Variants in TYW1 observed in about 807,000 individuals in gnomAD.
The protein encoded by TYW1 is tRNA-yW synthesizing protein 1 homolog.
A neutral mutation model predicts 96.2 loss-of-function variants in TYW1; 46 were observed. That is an observed-to-expected ratio of 0.48 (90% CI 0.38 to 0.61). TYW1 has a LOEUF of 0.61. Ranked by LOEUF, TYW1 falls within the 20% of genes least tolerant of loss-of-function variation. The probability of loss-of-function intolerance (pLI) is 0.00; values close to 1 mark genes in which losing one functional copy is unlikely to be tolerated. For synonymous variants in TYW1, 274 were observed against 323.0 expected (o/e 0.85, Z 1.63); for missense variants, 684 against 909.6 (o/e 0.75, Z 3.19).
At chr7:67,058,308 G>A (rs1224538733) in intron 9 of TYW1, among the ~76,000 whole-genome samples, 3 of 152,092 alleles carry the variant, frequency 2.0e-5, no homozygotes, top group Non-Finnish European at 1.5e-5. Flanking sequence ...CACTGCCATA[G>A]CAGGTCTTTA....
chr7:67,013,125 T>C lies in TYW1; in HGVS notation c.376-1242T>C, dbSNP rs544036920. Among the ~76,000 whole-genome samples, 34 of 151,718 alleles carry C rather than the reference T, an allele frequency of 2.2e-4. 1 individual carries two copies. In the South Asian group the frequency reaches 7.1e-3, roughly 31 times the overall value. On this transcript the variant is annotated intron_variant, in intron 4 of 15. Coordinates refer to ENST00000359626, the MANE Select transcript of TYW1 (RefSeq NM_018264.4). ...TGTATTTTTTCTTTTCTTTTCTTTT[T>C]TTTTTTTGAGATGGAGTCTTCGCTT...
intron 12 of TYW1, among the ~76,000 whole-genome samples, chr7:67,100,076 C>T (rs1033351670): frequency 1.3e-5 from 2 of 151,716 alleles, no homozygotes; most frequent in Non-Finnish European, 2.9e-5. Flanking sequence ...GAGAGGCTAG[C>T]GGAGAAGAGG....
chr7:67,024,949 A>C lies in TYW1; in HGVS notation c.911A>C (p.Asp304Ala). 1 of 1,613,908 alleles carries C rather than the reference A, an allele frequency of 6.2e-7. No homozygotes were observed. The highest frequency in any genetic ancestry group is 8.5e-7 in the Non-Finnish European group (1 of 1,179,842). The change falls in exon 7 of 16, where the codon GAC becomes GCC. Residue 304 changes from aspartate to alanine, a missense_variant. Asp to Ala is a moderately radical substitution (Grantham distance 126, BLOSUM62 -2). Coordinates refer to ENST00000359626, the MANE Select transcript of TYW1 (RefSeq NM_018264.4). ...AGTGAAGAAGAGTTTGGTGGTGAGG[A>C]CCATCAGAGCCTAAATTCCATTGTT... ...SSSEEEFGGE[D>A]HQSLNSIVDV...
At chr7:67,009,980 CTTTTCTTTT>C (rs1288032385) in intron 4 of TYW1, among the ~76,000 whole-genome samples, 1 of 138,540 alleles carries the variant, frequency 7.2e-6, no homozygotes, top group Non-Finnish European at 1.6e-5. Flanking sequence ...TTTCTTTTTT[CTTTTCTTTT>C]TTTTTTTTTT....
chr7:67,118,224 G>A (rs1366213526), intron 13 of TYW1, among the ~76,000 whole-genome samples: 2 of 152,164 alleles, frequency 1.3e-5, no homozygotes, highest in Non-Finnish European at 1.5e-5. Context: ...CTATTTGGGA[G>A]GCTGAGGCAG....
intron 14 of TYW1, among the ~76,000 whole-genome samples, chr7:67,193,767 A>G (rs1800299321): frequency 6.6e-6 from 1 of 151,698 alleles, no homozygotes; most frequent in African/African-American, 2.4e-5. Context: ...CTCAAAAAAA[A>G]AAAAAAAAAA....
chr7:67,174,433 C>T (rs1799602225), intron 13 of TYW1, among the ~76,000 whole-genome samples: 1 of 150,388 alleles, frequency 6.6e-6, no homozygotes, highest in Non-Finnish European at 1.5e-5. Flanking sequence ...CTGAAATTTG[C>T]CAAGAGCTGC....
At chr7:67,106,342 T>C (rs2115905460) in intron 12 of TYW1, among the ~76,000 whole-genome samples, 1 of 152,372 alleles carries the variant, frequency 6.6e-6, no homozygotes, top group African/African-American at 2.4e-5. Context: ...TCCAGAACAC[T>C]GTACCATCTG....
chr7:67,038,910 A>AAAACAAAAC (rs1298730288), intron 7 of TYW1, among the ~76,000 whole-genome samples: 2 of 152,204 alleles, frequency 1.3e-5, no homozygotes, highest in East Asian at 3.9e-4. Context: ...TCTCAAAAGC[A>AAAACAAAAC]AAACAAAACA....
chr7:67,027,376 T>TA (rs201834388), intron 7 of TYW1, among the ~76,000 whole-genome samples: 13,867 of 151,502 alleles, frequency 0.092, 832 homozygotes, highest in East Asian at 0.3. Context: ...CTAGAAGCAA[T>TA]AAAAAAAATT....
At chr7:66,999,434 A>AACCTCC (rs1417384473) in intron 3 of TYW1, among the ~76,000 whole-genome samples, 2 of 152,248 alleles carry the variant, frequency 1.3e-5, no homozygotes, top group Non-Finnish European at 1.5e-5. Flanking sequence ...GGCTCACTGC[A>AACCTCC]ACCTCCACCT....
intron 15 of TYW1, among the ~76,000 whole-genome samples, chr7:67,226,309 C>T (rs983391579): frequency 3.3e-5 from 5 of 152,096 alleles, no homozygotes; most frequent in African/African-American, 4.8e-5. Flanking sequence ...ATTAGCCAAA[C>T]GATTAGAAAT....
intron 13 of TYW1, among the ~76,000 whole-genome samples, chr7:67,135,264 C>T (rs1295862432): frequency 1.3e-5 from 2 of 151,232 alleles, no homozygotes; most frequent in Non-Finnish European, 2.9e-5. Context: ...ATTGTCATCA[C>T]CCCAACCAAG....
At chr7:67,171,552 T>G (rs1359455260) in intron 13 of TYW1, among the ~76,000 whole-genome samples, 2 of 152,162 alleles carry the variant, frequency 1.3e-5, no homozygotes, top group Admixed American at 6.5e-5. Context: ...TCTTATATTA[T>G]TGGTTACTGA....
intron 12 of TYW1, among the ~76,000 whole-genome samples, chr7:67,106,260 C>T (rs1042081340): frequency 6.6e-6 from 1 of 152,112 alleles, no homozygotes; most frequent in Non-Finnish European, 1.5e-5. Flanking sequence ...AATTCTTTTC[C>T]CTCTTAAAAG....
intron 15 of TYW1, among the ~76,000 whole-genome samples, chr7:67,209,768 C>G (rs1191400441): frequency 6.6e-6 from 1 of 152,104 alleles, no homozygotes; most frequent in Non-Finnish European, 1.5e-5. Context: ...GACAGGGTTT[C>G]ACCATGTTGG....
chr7:67,118,196 A>G (rs1797654751), intron 13 of TYW1, among the ~76,000 whole-genome samples: 1 of 152,098 alleles, frequency 6.6e-6, no homozygotes, highest in Admixed American at 6.5e-5. Context: ...TTGTGATGAC[A>G]TGCACCTGTT....
At chr7:67,097,411 T>G (rs1056388840) in intron 11 of TYW1, among the ~76,000 whole-genome samples, 1 of 152,222 alleles carries the variant, frequency 6.6e-6, no homozygotes, top group Non-Finnish European at 1.5e-5. Flanking sequence ...ATTTTTGGTT[T>G]TTTTGGAGAC....
chr7:67,077,885 G>A (rs575540144), intron 10 of TYW1, among the ~76,000 whole-genome samples: 1 of 152,146 alleles, frequency 6.6e-6, no homozygotes, highest in South Asian at 2.1e-4. Flanking sequence ...CAGGTCTTAC[G>A]TTTATGTCGT....
Sources: gnomAD v4.1 joint callset for allele counts (sites outside exome capture counted in the v4.1 genomes callset) on GRCh38, gnomAD v4.1.1 for gene constraint, MANE v1.5 for transcripts, NCBI Gene and HGNC (gene_info 2026-07-23, HGNC 2026-07-21) for gene names.